CREB5: variants seen among roughly 807,000 people sequenced by gnomAD.
The protein encoded by CREB5 is cyclic AMP-responsive element-binding protein 5.
CREB5 carries 19 observed loss-of-function variants against 57.1 expected under a neutral mutation model. The ratio of observed to expected loss-of-function variants is 0.33; its 90% CI spans 0.23 to 0.49. The LOEUF (loss-of-function observed/expected upper bound fraction) is 0.49, where lower values mean the gene tolerates loss of function less well. Ranked by LOEUF, CREB5 falls within the 20% of genes least tolerant of loss-of-function variation. The pLI is 0.99. For missense variants in CREB5, 579 were observed against 671.6 expected (o/e 0.86, Z 1.52); for synonymous variants, 238 against 238.3 (o/e 1.00, Z 0.01).
At chr7:28,810,790 G>C (rs1327791694) in intron 9 of CREB5, among the ~76,000 whole-genome samples, 1 of 152,194 alleles carries the variant, frequency 6.6e-6, no homozygotes, top group Non-Finnish European at 1.5e-5. Flanking sequence ...GAAAGGAACA[G>C]TTAGGGTGCC....
At chr7:28,602,305 A>C (rs994035715) in intron 5 of CREB5, among the ~76,000 whole-genome samples, 1 of 152,002 alleles carries the variant, frequency 6.6e-6, no homozygotes, top group Non-Finnish European at 1.5e-5. Context: ...TTTTGTACTT[A>C]TAGTAGAGCC....
intron 1 of CREB5, among the ~76,000 whole-genome samples, chr7:28,323,148 AC>A (rs988571940): frequency 6.6e-6 from 1 of 151,586 alleles, no homozygotes; most frequent in African/African-American, 2.4e-5. Flanking sequence ...ATTCTTTCAT[AC>A]CCTCCCCTCA....
At chr7:28,681,330 C>T (rs1347809628) in intron 5 of CREB5, among the ~76,000 whole-genome samples, 1 of 152,148 alleles carries the variant, frequency 6.6e-6, no homozygotes, top group East Asian at 1.9e-4. Context: ...AGTTCAGGCT[C>T]AGTTACATTT....
intron 1 of CREB5, among the ~76,000 whole-genome samples, chr7:28,352,200 C>G (rs1036866683): frequency 5.9e-5 from 9 of 152,182 alleles, no homozygotes; most frequent in African/African-American, 1.9e-4. Context: ...TTTACTCAGA[C>G]AAGGTCCCTT....
rs114285402 is a variant in CREB5 at position 28,702,623 on chromosome 7, A to G, written c.465-16130A>G. 9.6e-3 allele frequency among the ~76,000 whole-genome samples: 1,461 copies of G among 152,310 alleles called. 20 individuals carry two copies. Among genetic ancestry groups the G allele is most frequent in the African/African-American group, 0.034 (1,403 of 41,558 alleles). On this transcript the variant is annotated intron_variant, in intron 5 of 10. Coordinates refer to ENST00000357727, the MANE Select transcript of CREB5 (RefSeq NM_182898.4). ...TTCCCAATGGTGAAAGGAAACCAGAATGATTTTACCCAAATGCATAGCCCC... is the reference window on the plus strand; with the variant it reads ...TTCCCAATGGTGAAAGGAAACCAGAGTGATTTTACCCAAATGCATAGCCCC...
At chr7:28,674,866 T>C (rs1401939387) in intron 5 of CREB5, among the ~76,000 whole-genome samples, 1 of 152,238 alleles carries the variant, frequency 6.6e-6, no homozygotes, top group Non-Finnish European at 1.5e-5. Context: ...CCAGTGGCTT[T>C]TTCTCACCAA....
In CREB5 at chr7:28,421,531, A is replaced by G. The variant is rs779500985; in HGVS notation, c.3+8614A>G. ...AAACAGGACTTTTGCACTTTGGGAT[A>G]ATGTAGACAGACGACATTGGTATGT... On this transcript the variant is annotated intron_variant, in intron 1 of 10. Coordinates refer to ENST00000357727, the MANE Select transcript of CREB5 (RefSeq NM_182898.4). Among the ~76,000 whole-genome samples the G allele has an allele frequency of 5.8e-4, 88 of 152,162 alleles. 1 individual carries two copies. Among genetic ancestry groups the G allele is most frequent in the Non-Finnish European group, 1.1e-3 (76 of 68,006 alleles).
At chr7:28,476,479 T>A (rs1791072501) in intron 1 of CREB5, among the ~76,000 whole-genome samples, 1 of 152,164 alleles carries the variant, frequency 6.6e-6, no homozygotes, top group Non-Finnish European at 1.5e-5. Flanking sequence ...CCTCCCAACA[T>A]CCCTGAGTCA....
chr7:28,465,571 C>T (rs56396709), intron 1 of CREB5, among the ~76,000 whole-genome samples: 4 of 152,282 alleles, frequency 2.6e-5, no homozygotes, highest in Non-Finnish European at 4.4e-5. Flanking sequence ...GGTAGAGGGC[C>T]TGAATTCAAG....
upstream of CREB5, among the ~76,000 whole-genome samples, chr7:28,411,316 T>C (rs1787789332): frequency 6.6e-6 from 1 of 152,160 alleles, no homozygotes; most frequent in Non-Finnish European, 1.5e-5. Context: ...GCTGAAAGGA[T>C]CAAGACTAAA....
chr7:28,645,993 G>T (rs959863591), intron 5 of CREB5, among the ~76,000 whole-genome samples: 1 of 152,156 alleles, frequency 6.6e-6, no homozygotes, highest in Non-Finnish European at 1.5e-5. Context: ...ATCTGCTTCT[G>T]GTTCTCAGGT....
chr7:28,361,465 T>A (rs543688625), intron 1 of CREB5, among the ~76,000 whole-genome samples: 1 of 152,328 alleles, frequency 6.6e-6, no homozygotes, highest in Admixed American at 6.5e-5. Flanking sequence ...AGAGGCCACA[T>A]CCTTTTCCCT....
chr7:28,316,017 G>T (rs2127982747), intron 1 of CREB5, among the ~76,000 whole-genome samples: 1 of 152,308 alleles, frequency 6.6e-6, no homozygotes, highest in Middle Eastern at 3.4e-3. Flanking sequence ...CTGTAAAAGA[G>T]ACCTTTTAAT....
At chr7:28,809,487 A>C in intron 9 of CREB5, 73 bp downstream of exon 9, 1 of 1,398,762 alleles carries the variant, frequency 7.1e-7, no homozygotes. Flanking sequence ...CCTGACAGGC[A>C]CTTGTTGACC....
At chr7:28,560,819 T>TGTGTGCGTGTGTGTGTGTGTGTGTGTGC (rs1562796977) in intron 4 of CREB5, among the ~76,000 whole-genome samples, 1 of 62,354 alleles carries the variant, frequency 1.6e-5, no homozygotes, top group East Asian at 4.4e-4. Flanking sequence ...CGTGTGTGTG[T>TGTGTGCGTGTGTGTGTGTGTGTGTGTGC]GTGCGCGCGC....
chr7:28,364,060 AT>A (rs1211254995), intron 1 of CREB5, among the ~76,000 whole-genome samples: 1 of 152,166 alleles, frequency 6.6e-6, no homozygotes, highest in Non-Finnish European at 1.5e-5. Context: ...ATAAGTAAAC[AT>A]TTACCTAATT....
At chr7:28,627,255 T>C (rs1375331455) in intron 5 of CREB5, among the ~76,000 whole-genome samples, 3 of 152,222 alleles carry the variant, frequency 2.0e-5, no homozygotes, top group Non-Finnish European at 2.9e-5. Context: ...CAGCATTTGA[T>C]AGAGAAAAAT....
intron 4 of CREB5, among the ~76,000 whole-genome samples, chr7:28,551,967 TTC>T (rs1176690385): frequency 2.9e-5 from 4 of 139,340 alleles, no homozygotes; most frequent in South Asian, 4.7e-4. Context: ...CTCTTTTTTA[TTC>T]TCTCTTTCTC....
intron 7 of CREB5, among the ~76,000 whole-genome samples, chr7:28,755,411 T>C (rs1419591344): frequency 1.3e-5 from 2 of 152,198 alleles, no homozygotes; most frequent in East Asian, 3.9e-4. Flanking sequence ...TCAGTAGACC[T>C]GTTGAGTTGA....
Sources: allele counts gnomAD v4.1 joint callset (sites outside exome capture counted in the v4.1 genomes callset), GRCh38; gene constraint gnomAD v4.1.1; transcripts MANE v1.5; gene names NCBI Gene and HGNC (gene_info 2026-07-23, HGNC 2026-07-21).